Variants in EPB41L5 observed in about 807,000 individuals in gnomAD.
EPB41L5 encodes the protein band 4.1-like protein 5.
In EPB41L5, 55 loss-of-function variants were observed where a neutral mutation model predicts 106.6. The ratio of observed to expected loss-of-function variants is 0.52; its 90% CI spans 0.42 to 0.65. The LOEUF is 0.65. Among genes scored for constraint, EPB41L5 ranks in the 30% least tolerant of loss-of-function variants. The probability of loss-of-function intolerance (pLI) is 0.00; values close to 1 mark genes in which losing one functional copy is unlikely to be tolerated. For synonymous variants in EPB41L5, 297 were observed against 306.7 expected, an observed-to-expected ratio of 0.97 and a Z score of 0.33; for missense variants, 871 against 882.1, an observed-to-expected ratio of 0.99 and a Z score of 0.16.
At chr2:120,167,589 C>T in intron 23 of EPB41L5, 82 bp downstream of exon 23, 2 of 1,415,286 alleles carry the variant, frequency 1.4e-6, no homozygotes, top group South Asian at 1.2e-5. Context: ...CTTTGTTTTT[C>T]CTTAAAAACA....
intron 20 of EPB41L5, among the ~76,000 whole-genome samples, chr2:120,155,136 A>G (rs1380072581): frequency 2.0e-5 from 3 of 152,154 alleles, no homozygotes; most frequent in Non-Finnish European, 4.4e-5. Context: ...ACTGGGTAGT[A>G]TTCTTTTCTT....
intron 15 of EPB41L5, 66 bp from the exon 16 acceptor site, chr2:120,100,633 G>A (rs1334249286): frequency 9.1e-6 from 10 of 1,104,296 alleles, no homozygotes; most frequent in Non-Finnish European, 1.4e-5. Context: ...CTCCATTTTA[G>A]TATTTGTTGG....
At position 120,042,023 on chromosome 2, in the gene EPB41L5, A is replaced by G. The variant is rs1679437201; in HGVS notation, c.198A>G (p.Gln66=). ...SVDLPKKAKG[Q]ELFDQIMYHL... ...CATTTCAGAAAAAAGCCAAAGGACA[A>G]GAGTTGTTTGATCAGATTATGTACC... The change falls in exon 3 of 25, where the codon CAA becomes CAG. Residue 66 remains glutamine, a synonymous_variant. Transcript: ENST00000263713. 1 of 1,611,564 alleles carries G rather than the reference A, an allele frequency of 6.2e-7. No homozygotes were observed. Among genetic ancestry groups the G allele is most frequent in the African/African-American group, 1.3e-5 (1 of 74,992 alleles).
chr2:120,163,679 G>T (rs531251795), intron 21 of EPB41L5, among the ~76,000 whole-genome samples: 1 of 151,262 alleles, frequency 6.6e-6, no homozygotes, highest in African/African-American at 2.4e-5. Context: ...AAAAGGCTGG[G>T]CACAGTGGCT....
At chr2:120,146,109 CTTATT>C (rs1279181471) in intron 19 of EPB41L5, 111 bp from the exon 20 acceptor site, 2 of 659,988 alleles carry the variant, frequency 3.0e-6, no homozygotes, top group Non-Finnish European at 5.3e-6. Context: ...ATGATTACCT[CTTATT>C]TTAATTAAAG....
At position 120,176,115 on chromosome 2, in the gene EPB41L5, C is replaced by T. The variant is rs1687910596; in HGVS notation, c.*1208C>T. 6.6e-6 allele frequency: 1 copy of T among 152,576 alleles called. No homozygotes were observed. The highest frequency in any genetic ancestry group is 2.1e-4 in the South Asian group (1 of 4,822). 9.5% of individuals were successfully genotyped at this position (152,576 alleles called of 1,614,324 possible). Reference sequence around the variant, plus strand: ...CTCATCACAGAAAAATAAAGTATAGCAATGTCCATCTGTAATTCTAATACC... The same window carrying T: ...CTCATCACAGAAAAATAAAGTATAGTAATGTCCATCTGTAATTCTAATACC... On this transcript the variant is annotated 3_prime_UTR_variant, in exon 25 of 25. Coordinates refer to ENST00000263713, the MANE Select transcript of EPB41L5 (RefSeq NM_020909.4).
At chr2:120,111,112 G>C (rs531757439) in intron 16 of EPB41L5, among the ~76,000 whole-genome samples, 3 of 152,014 alleles carry the variant, frequency 2.0e-5, no homozygotes, top group African/African-American at 7.3e-5. Context: ...GATCTGACCC[G>C]AGATCCCATG....
At position 120,127,152 on chromosome 2, in the gene EPB41L5, T is replaced by C. The variant is rs181990766; in HGVS notation, c.1338-536T>C. Among the ~76,000 whole-genome samples the C allele has an allele frequency of 1.2e-4, 19 of 152,326 alleles. 1 individual carries two copies. The highest frequency in any genetic ancestry group is 3.4e-4 in the African/African-American group (14 of 41,572). On this transcript the variant is annotated intron_variant, in intron 16 of 24. Transcript: ENST00000263713. The stretch of plus-strand genomic sequence containing the variant: ...TTTATTTAGGTTATTTATTTAACCT[T>C]ACTTATTAAGGTTATTTTTTTCCCT...
intron 18 of EPB41L5, among the ~76,000 whole-genome samples, chr2:120,132,799 T>C (rs1333835361): frequency 6.6e-6 from 1 of 151,902 alleles, no homozygotes; most frequent in Non-Finnish European, 1.5e-5. Flanking sequence ...TTTAGATGAT[T>C]AATAACTAAT....
intron 24 of EPB41L5, among the ~76,000 whole-genome samples, chr2:120,169,959 A>G (rs1481017765): frequency 6.6e-6 from 1 of 152,222 alleles, no homozygotes; most frequent in Non-Finnish European, 1.5e-5. Flanking sequence ...TGGAGTAACC[A>G]CATTGGAAAT....
At chr2:120,019,544 T>C (rs1677784052) in intron 2 of EPB41L5, among the ~76,000 whole-genome samples, 2 of 152,204 alleles carry the variant, frequency 1.3e-5, no homozygotes, top group African/African-American at 2.4e-5. Context: ...TCTTTCTATG[T>C]GTTCTTTGTG....
intron 2 of EPB41L5, among the ~76,000 whole-genome samples, chr2:120,021,822 G>A (rs960200782): frequency 6.6e-6 from 1 of 152,156 alleles, no homozygotes; most frequent in African/African-American, 2.4e-5. Flanking sequence ...CCCCTTTTCA[G>A]ATTTATTTTC....
intron 23 of EPB41L5, 117 bp from the exon 24 acceptor site, chr2:120,167,760 A>G: frequency 1.5e-6 from 2 of 1,318,256 alleles, no homozygotes; most frequent in Admixed American, 4.1e-5. Context: ...AACAGTCATA[A>G]TTATCAAAAC....
chr2:120,134,586 A>G (rs1385584954), intron 18 of EPB41L5, among the ~76,000 whole-genome samples: 1 of 152,188 alleles, frequency 6.6e-6, no homozygotes, highest in East Asian at 1.9e-4. Flanking sequence ...AACTGCATGC[A>G]GCTCACTGAG....
intron 1 of EPB41L5, among the ~76,000 whole-genome samples, chr2:120,017,910 C>G (rs1677635574): frequency 6.6e-6 from 1 of 152,046 alleles, no homozygotes; most frequent in Non-Finnish European, 1.5e-5. Context: ...CATTCTCCTG[C>G]CTCAGCCTCC....
intron 16 of EPB41L5, among the ~76,000 whole-genome samples, chr2:120,103,757 C>T (rs1326360959): frequency 6.6e-6 from 1 of 152,146 alleles, no homozygotes; most frequent in Non-Finnish European, 1.5e-5. Context: ...ATATTAGTAA[C>T]AACATCAGGG....
At chr2:120,055,131 G>A (rs1002464613) in intron 3 of EPB41L5, among the ~76,000 whole-genome samples, 2 of 152,008 alleles carry the variant, frequency 1.3e-5, no homozygotes, top group African/African-American at 2.4e-5. Flanking sequence ...CCAAAGTGCT[G>A]GAATTATAGG....
At chr2:120,130,379 A>G (rs1292391914) in intron 17 of EPB41L5, among the ~76,000 whole-genome samples, 1 of 152,208 alleles carries the variant, frequency 6.6e-6, no homozygotes, top group Non-Finnish European at 1.5e-5. Context: ...TTGATATCCA[A>G]TTGTGTATTT....
intron 16 of EPB41L5, among the ~76,000 whole-genome samples, chr2:120,125,619 A>G (rs1296634528): frequency 6.6e-6 from 1 of 152,100 alleles, no homozygotes; most frequent in East Asian, 1.9e-4. Flanking sequence ...TGATTTTACA[A>G]TGCCCCATTC....
Sources: gnomAD v4.1 joint callset for allele counts (sites outside exome capture counted in the v4.1 genomes callset) on GRCh38, gnomAD v4.1.1 for gene constraint, MANE v1.5 for transcripts, NCBI Gene and HGNC (gene_info 2026-07-23, HGNC 2026-07-21) for gene names.